The following TRABD2B variants were observed in gnomAD, a reference collection of about 807,000 sequenced individuals.
TRABD2B encodes TraB domain containing 2B.
A neutral mutation model predicts 40.1 loss-of-function variants in TRABD2B; 14 were observed. That is an observed-to-expected ratio of 0.35 (90% CI 0.23 to 0.55). The LOEUF is 0.55. TRABD2B is among the 20% of genes least tolerant of loss of function. TRABD2B has a pLI of 0.90. For synonymous variants in TRABD2B, 263 were observed against 277.0 expected, an observed-to-expected ratio of 0.95 and a Z score of 0.50; for missense variants, 541 against 648.6, an observed-to-expected ratio of 0.83 and a Z score of 1.80.
chr1:47,946,192 T>C lies in TRABD2B; in HGVS notation c.666+47842A>G, dbSNP rs373000215. ...ACTTACTTGCCATTCATATATCTTC[T>C]TTTGAGAAGTGTTCAAATCTTTTGC... is the stretch of plus-strand genomic sequence containing the variant. On this transcript the variant is annotated intron_variant, in intron 2 of 6. Transcript: ENST00000606738. Among the ~76,000 whole-genome samples the C allele has an allele frequency of 6.5e-4, 99 of 152,356 alleles. 2 individuals are homozygous for C. In the South Asian group the frequency reaches 0.02, roughly 31 times the overall value.
rs900961912 is a variant in TRABD2B, at chr1:47,996,466, C to CGT, written c.102+220_102+221dup. 6.6e-6 allele frequency among the ~76,000 whole-genome samples: 1 copy of CGT among 152,124 alleles called. No homozygotes were observed. The highest frequency in any genetic ancestry group is 6.5e-5 in the Admixed American group (1 of 15,274). Reference sequence around the variant, plus strand: ...CAAGAGGAGAGCCCCAGAGCGGCAGCGTGTGGAGAAGGAACCGGAGAGGGA... The same window carrying CGT: ...CAAGAGGAGAGCCCCAGAGCGGCAGCGTGTGTGGAGAAGGAACCGGAGAGGGA... On this transcript the variant is annotated intron_variant, in intron 1 of 6. Coordinates refer to ENST00000606738, the MANE Select transcript of TRABD2B (RefSeq NM_001194986.2). This position sits in a 1 kb window ranked among gnomAD's most constrained non-coding sequence, Gnocchi z 4.6.
chr1:47,820,197 A>C (rs1645087268), intron 2 of TRABD2B: 1 of 152,230 alleles, frequency 6.6e-6, no homozygotes, highest in African/African-American at 2.4e-5. Flanking sequence ...CTCCAGCCCC[A>C]GCACATATGA....
intron 2 of TRABD2B, among the ~76,000 whole-genome samples, chr1:47,920,627 G>T (rs1387025954): frequency 6.6e-6 from 1 of 152,208 alleles, no homozygotes; most frequent in Non-Finnish European, 1.5e-5. Context: ...AAGATGTGCA[G>T]TCAAAACTCA....
At chr1:47,826,275 G>A (rs931237264) in intron 2 of TRABD2B, among the ~76,000 whole-genome samples, 2 of 152,228 alleles carry the variant, frequency 1.3e-5, no homozygotes, top group Middle Eastern at 3.4e-3. Flanking sequence ...TTACCATTGT[G>A]TTTGGTTGTG....
chr1:47,765,815 C>A lies in TRABD2B; in HGVS notation c.*87G>T. 1 of 702,500 alleles carries A rather than the reference C, an allele frequency of 1.4e-6. No homozygotes were observed. The highest frequency in any genetic ancestry group is 1.5e-5 in the South Asian group (1 of 67,336). 43.5% of individuals were successfully genotyped at this position (702,500 alleles called of 1,614,324 possible). A position where few individuals can be genotyped will look rare whatever the true frequency, so the allele number is the denominator to read the frequency against. On this transcript the variant is annotated 3_prime_UTR_variant, in exon 7 of 7. Transcript: ENST00000606738. ...TGGACTGCCCTCGACGTGTTGGGCA[C>A]CCCCTGGAGGTGGTGGCAGGAGCAG... is the stretch of plus-strand genomic sequence containing the variant.
intron 2 of TRABD2B, among the ~76,000 whole-genome samples, chr1:47,968,607 A>G (rs911916809): frequency 4.6e-5 from 7 of 151,968 alleles, no homozygotes; most frequent in Non-Finnish European, 8.8e-5. Flanking sequence ...CACCTCAACC[A>G]CTCACCATGT....
At chr1:47,884,776 C>A (rs1026657654) in intron 2 of TRABD2B, among the ~76,000 whole-genome samples, 2 of 151,850 alleles carry the variant, frequency 1.3e-5, no homozygotes, top group Non-Finnish European at 2.9e-5. Context: ...CCACTATGCC[C>A]GGCTAATTTT....
At chr1:47,826,730 T>A (rs1482561354) in intron 2 of TRABD2B, among the ~76,000 whole-genome samples, 2 of 152,188 alleles carry the variant, frequency 1.3e-5, no homozygotes, top group East Asian at 1.9e-4. Context: ...CGTGCCATCA[T>A]GCCTGGCTAA....
intron 2 of TRABD2B, among the ~76,000 whole-genome samples, chr1:47,992,377 C>A (rs140189011): frequency 6.6e-6 from 1 of 152,160 alleles, no homozygotes; most frequent in Non-Finnish European, 1.5e-5. Flanking sequence ...GAGTGTCTCC[C>A]GACCCCAAAG....
At chr1:47,933,810 G>A (rs1028473096) in intron 2 of TRABD2B, among the ~76,000 whole-genome samples, 3 of 152,218 alleles carry the variant, frequency 2.0e-5, no homozygotes, top group Admixed American at 2.0e-4. Flanking sequence ...GAATCAGAGG[G>A]ATAGACAGCA....
chr1:47,842,589 C>A (rs115174791), intron 2 of TRABD2B, among the ~76,000 whole-genome samples: 3 of 152,138 alleles, frequency 2.0e-5, no homozygotes, highest in African/African-American at 4.8e-5. Flanking sequence ...ACAACAAGTA[C>A]GCAGCCAGGA....
intron 2 of TRABD2B, among the ~76,000 whole-genome samples, chr1:47,885,243 C>G (rs1284614995): frequency 6.6e-6 from 1 of 152,204 alleles, no homozygotes; most frequent in African/African-American, 2.4e-5. Context: ...CTCACTTAAC[C>G]AACTCCTACA....
At chr1:47,959,017 A>G (rs959906601) in intron 2 of TRABD2B, among the ~76,000 whole-genome samples, 2 of 152,248 alleles carry the variant, frequency 1.3e-5, no homozygotes, top group Non-Finnish European at 2.9e-5. Context: ...ACTGTCTCTC[A>G]GACCACAGTG....
At chr1:47,844,791 C>A (rs745396356) in intron 2 of TRABD2B, among the ~76,000 whole-genome samples, 9 of 152,148 alleles carry the variant, frequency 5.9e-5, no homozygotes, top group Non-Finnish European at 1.3e-4. Flanking sequence ...GAGTAAAGGT[C>A]AGGAACTTGG....
At chr1:47,772,341 C>T (rs1433972833) in intron 6 of TRABD2B, among the ~76,000 whole-genome samples, 2 of 151,676 alleles carry the variant, frequency 1.3e-5, no homozygotes, top group East Asian at 2.0e-4. Flanking sequence ...AGGAGCAGGA[C>T]GAAGGTGTGG....
chr1:47,978,749 A>G (rs1263720078), intron 2 of TRABD2B, among the ~76,000 whole-genome samples: 1 of 152,138 alleles, frequency 6.6e-6, no homozygotes, highest in Non-Finnish European at 1.5e-5. Flanking sequence ...GCCACTTCAC[A>G]CTGCGGCCCT....
chr1:47,815,088 C>A (rs1454031002), intron 2 of TRABD2B, among the ~76,000 whole-genome samples: 1 of 152,230 alleles, frequency 6.6e-6, no homozygotes, highest in African/African-American at 2.4e-5. Context: ...CGGTCTGCTT[C>A]ATTTGGGCAG....
intron 2 of TRABD2B, among the ~76,000 whole-genome samples, chr1:47,822,623 C>G (rs750736582): frequency 6.6e-6 from 1 of 152,222 alleles, no homozygotes; most frequent in South Asian, 2.1e-4. Context: ...AAAGTTGGAG[C>G]TAACATACAT....
intron 2 of TRABD2B, among the ~76,000 whole-genome samples, chr1:47,956,643 C>A (rs185048243): frequency 6.6e-6 from 1 of 152,194 alleles, no homozygotes; most frequent in South Asian, 2.1e-4. Context: ...TGCAAGGCGG[C>A]AGGGAGGCTG....
Sources: allele counts gnomAD v4.1 joint callset (sites outside exome capture counted in the v4.1 genomes callset), GRCh38; gene constraint gnomAD v4.1.1; non-coding constraint Gnocchi (gnomAD v3.1); transcripts MANE v1.5; gene names NCBI Gene and HGNC (gene_info 2026-07-23, HGNC 2026-07-21).